The following EPB41L2 variants were observed in gnomAD, a reference collection of about 807,000 sequenced individuals.
EPB41L2 encodes the protein erythrocyte membrane protein band 4.1 like 2.
A neutral mutation model predicts 113.0 loss-of-function variants in EPB41L2; 43 were observed. The observed-to-expected ratio is 0.38, with a 90% confidence interval of 0.30 to 0.49. The LOEUF (loss-of-function observed/expected upper bound fraction) is 0.49, where lower values mean the gene tolerates loss of function less well. EPB41L2 is among the 20% of genes least tolerant of loss of function. The pLI, the probability that EPB41L2 is intolerant of heterozygous loss-of-function variation, is 0.95. For synonymous variants in EPB41L2, 442 were observed against 436.7 expected (o/e 1.01, Z -0.15); for missense variants, 1,147 against 1,223.4 (o/e 0.94, Z 0.93).
chr6:130,906,771 GA>G (rs2128506782), intron 5 of EPB41L2, among the ~76,000 whole-genome samples: 1 of 152,290 alleles, frequency 6.6e-6, no homozygotes, highest in East Asian at 1.9e-4. Flanking sequence ...ACCAAGGATA[GA>G]ATAGGCAGGT....
intron 3 of EPB41L2, among the ~76,000 whole-genome samples, chr6:130,951,312 C>CTTTTTTTTTTT (rs34082234): frequency 2.0e-5 from 1 of 50,818 alleles, no homozygotes; most frequent in African/African-American, 1.3e-4. Flanking sequence ...AGCCTCAGTA[C>CTTTTTTTTTTT]TTTTTTTTTT....
chr6:130,970,613 G>A (rs1169645105), intron 1 of EPB41L2: 1 of 152,080 alleles, frequency 6.6e-6, no homozygotes, highest in Non-Finnish European at 1.5e-5. Context: ...TCTATCCTGA[G>A]ATTTTTTCTC....
chr6:131,059,799 G>C (rs973259338), intron 1 of EPB41L2, among the ~76,000 whole-genome samples: 1 of 152,182 alleles, frequency 6.6e-6, no homozygotes, highest in African/African-American at 2.4e-5. Context: ...ACGAAAGCCA[G>C]CATAAACATT....
intron 19 of EPB41L2, among the ~76,000 whole-genome samples, chr6:130,852,995 T>C (rs1271521122): frequency 1.3e-5 from 2 of 152,204 alleles, no homozygotes; most frequent in Non-Finnish European, 2.9e-5. Context: ...TCCTTCTTGT[T>C]CCCATTACAC....
intron 4 of EPB41L2, among the ~76,000 whole-genome samples, chr6:130,912,819 G>T (rs557427250): frequency 2.0e-5 from 3 of 152,130 alleles, no homozygotes; most frequent in Admixed American, 2.0e-4. Context: ...TGAGAAAGGG[G>T]CAAATGGGTG....
intron 3 of EPB41L2, among the ~76,000 whole-genome samples, chr6:130,951,547 G>A (rs781116911): frequency 2.6e-5 from 4 of 151,330 alleles, no homozygotes; most frequent in South Asian, 2.1e-4. Context: ...GGTTGGTCTC[G>A]AGCCCCTGAC....
At chr6:130,861,873 C>CAAAAA (rs1782195017) in intron 18 of EPB41L2, among the ~76,000 whole-genome samples, 1 of 73,962 alleles carries the variant, frequency 1.4e-5, no homozygotes, top group African/African-American at 3.7e-5. Context: ...CTCCATCTCC[C>CAAAAA]CAAAAAAAAA....
chr6:130,896,287 TA>T (rs1271226531), intron 8 of EPB41L2, among the ~76,000 whole-genome samples: 1 of 152,232 alleles, frequency 6.6e-6, no homozygotes, highest in Non-Finnish European at 1.5e-5. Flanking sequence ...TGAGCCATTT[TA>T]AAAAATCCAA....
intron 1 of EPB41L2, among the ~76,000 whole-genome samples, chr6:131,060,457 G>T (rs775389260): frequency 1.3e-5 from 2 of 152,186 alleles, no homozygotes; most frequent in Non-Finnish European, 2.9e-5. Context: ...CAAGTGGTTG[G>T]GTAGTACACG....
intron 19 of EPB41L2, among the ~76,000 whole-genome samples, chr6:130,852,833 T>C (rs1779157144): frequency 6.6e-6 from 1 of 152,118 alleles, no homozygotes; most frequent in African/African-American, 2.4e-5. Context: ...TCCAGCTACA[T>C]CTGATTTTGC....
intron 4 of EPB41L2, among the ~76,000 whole-genome samples, chr6:130,912,226 T>C (rs1799634159): frequency 6.6e-6 from 1 of 152,182 alleles, no homozygotes. Context: ...GCCAAACAGG[T>C]TGGGGACCAC....
chr6:130,869,742 C>G lies in EPB41L2; in HGVS notation c.2428G>C (p.Val810Leu), dbSNP rs1785026387. The change falls in exon 15 of 20, where the codon GTA (valine) becomes CTA (leucine). Residue 810 changes from valine to leucine, a missense_variant. Val to Leu is a conservative substitution (Grantham distance 32). Coordinates refer to ENST00000337057, the MANE Select transcript of EPB41L2 (RefSeq NM_001431.4). ...ACATTTTCCTGGATCACTGTTTCTA[C>G]TGTGATTACACTGGCACCTGCTTGT... ...VTQAGASVIT[V>L]ETVIQENVGA... 6.2e-7 allele frequency: 1 copy of G among 1,614,196 alleles called. No homozygotes were observed. Among genetic ancestry groups the G allele is most frequent in the Non-Finnish European group, 8.5e-7 (1 of 1,180,038 alleles).
chr6:130,965,199 T>C (rs1177290808), intron 1 of EPB41L2, among the ~76,000 whole-genome samples: 1 of 152,156 alleles, frequency 6.6e-6, no homozygotes, highest in Non-Finnish European at 1.5e-5. Context: ...GTAATACAGA[T>C]GAAAGAATCC....
chr6:130,874,602 G>T (rs1336703435), intron 14 of EPB41L2, among the ~76,000 whole-genome samples: 2 of 152,126 alleles, frequency 1.3e-5, no homozygotes. Context: ...GCAAACGGAT[G>T]AATGGATGAT....
intron 1 of EPB41L2, among the ~76,000 whole-genome samples, chr6:131,001,678 C>A (rs1584423385): frequency 6.6e-6 from 1 of 152,282 alleles, no homozygotes; most frequent in East Asian, 1.9e-4. Flanking sequence ...TAATCCCACC[C>A]TAATATTTGG....
intron 1 of EPB41L2, among the ~76,000 whole-genome samples, chr6:131,007,956 T>C (rs2151070): frequency 0.066 from 10,095 of 152,310 alleles, 1,097 homozygotes; most frequent in African/African-American, 0.23. Context: ...TTGGAAAATT[T>C]GCAGCCTGAC....
chr6:131,042,046 G>A (rs1794556908), intron 1 of EPB41L2, among the ~76,000 whole-genome samples: 1 of 152,168 alleles, frequency 6.6e-6, no homozygotes, highest in East Asian at 1.9e-4. Flanking sequence ...GCATGGAATG[G>A]GGAACATGGG....
rs538275652 is a variant in EPB41L2 at position 131,048,093 on chromosome 6, G to A, written c.-15+15062C>T. Among the ~76,000 whole-genome samples the A allele has an allele frequency of 9.3e-4, 130 of 140,164 alleles. 1 individual carries two copies. Among genetic ancestry groups the A allele is most frequent in the Non-Finnish European group, 1.5e-3 (100 of 66,160 alleles). The allele number at this position is 140,164 out of a possible 152,430, so 92.0% of individuals were successfully genotyped here. On this transcript the variant is annotated intron_variant, in intron 1 of 19. Coordinates refer to ENST00000337057, the MANE Select transcript of EPB41L2 (RefSeq NM_001431.4). The stretch of plus-strand genomic sequence containing the variant: ...GCAGAGGTTGCAGTGAGCCGAGATC[G>A]CGCCACTGTACCTCAGGCCTGGGCG...
intron 8 of EPB41L2, among the ~76,000 whole-genome samples, 167 bp from the exon 9 acceptor site, chr6:130,895,286 T>C (rs1167156634): frequency 6.6e-6 from 1 of 152,152 alleles, no homozygotes; most frequent in African/African-American, 2.4e-5. Context: ...CGCACACACA[T>C]ACATGTTAAA....
Sources: gnomAD v4.1 joint callset for allele counts (sites outside exome capture counted in the v4.1 genomes callset) on GRCh38, gnomAD v4.1.1 for gene constraint, MANE v1.5 for transcripts, NCBI Gene and HGNC (gene_info 2026-07-23, HGNC 2026-07-21) for gene names.